WIPF3: variants seen among roughly 807,000 people sequenced by gnomAD.
WIPF3 encodes the protein WAS/WASL interacting protein family member 3, also known as WAS/WASL-interacting protein family member 3.
A neutral mutation model predicts 38.9 loss-of-function variants in WIPF3; 33 were observed. The ratio of observed to expected loss-of-function variants is 0.85; its 90% CI spans 0.64 to 1.14. WIPF3 has a LOEUF of 1.14. WIPF3 is among the 50% of genes most tolerant of loss of function. WIPF3 has a pLI of 0.00. For missense variants in WIPF3, 711 were observed against 652.5 expected, an observed-to-expected ratio of 1.09 and a Z score of -0.98; for synonymous variants, 324 against 269.3, an observed-to-expected ratio of 1.20 and a Z score of -1.99.
rs903135703 is a variant in WIPF3 at position 29,914,760 on chromosome 7, C to T, written c.*244C>T. ...TGCATTGCATCTTGGCATTTGTCAG[C>T]ACAGATAGAGCCCTGTCCCTCCACC... On this transcript the variant is annotated 3_prime_UTR_variant, in exon 9 of 9. Transcript: ENST00000242140. 13 of 321,090 alleles carry T rather than the reference C, an allele frequency of 4.0e-5. No individual in the cohort carries two copies. Among genetic ancestry groups the T allele is most frequent in the African/African-American group, 2.6e-4 (12 of 46,104 alleles). The allele number at this position is 321,090 out of a possible 1,614,324, so 19.9% of individuals were successfully genotyped here.
chr7:29,815,079 T>C (rs537634309), intron 1 of WIPF3, among the ~76,000 whole-genome samples: 1 of 152,312 alleles, frequency 6.6e-6, no homozygotes, highest in South Asian at 2.1e-4. Context: ...GTTTAAACGT[T>C]TCAATGAAAC....
At chr7:29,851,601 CAATTGTCAAGCA>C (rs1394451321) in intron 2 of WIPF3, among the ~76,000 whole-genome samples, 1 of 152,212 alleles carries the variant, frequency 6.6e-6, no homozygotes, top group Admixed American at 6.5e-5. Flanking sequence ...TAGATAAAAG[CAATTGTCAAGCA>C]GTGGACCTGG....
At chr7:29,904,579 C>T in intron 8 of WIPF3, 1 of 526,424 alleles carries the variant, frequency 1.9e-6, no homozygotes, top group Non-Finnish European at 3.4e-6. Flanking sequence ...CCTGGAATCA[C>T]CACTACATAT....
intron 2 of WIPF3, among the ~76,000 whole-genome samples, chr7:29,835,600 C>T (rs978331927): frequency 6.6e-6 from 1 of 152,188 alleles, no homozygotes; most frequent in Admixed American, 6.5e-5. Context: ...CAAAAATCAC[C>T]ACCGCACACA....
At chr7:29,863,800 C>T (rs1442289705) in intron 2 of WIPF3, among the ~76,000 whole-genome samples, 1 of 152,130 alleles carries the variant, frequency 6.6e-6, no homozygotes, top group Non-Finnish European at 1.5e-5. Context: ...TAGATTTATA[C>T]GTAAGTATTT....
chr7:29,827,253 G>A (rs1784630362), intron 1 of WIPF3, among the ~76,000 whole-genome samples: 1 of 151,900 alleles, frequency 6.6e-6, no homozygotes, highest in Non-Finnish European at 1.5e-5. Context: ...AAGAGTGAGA[G>A]CAGCAACTTC....
At position 29,884,015 on chromosome 7, in the gene WIPF3, C is replaced by CGGGGGG; in HGVS notation, c.522_523insGGGGGG (p.Pro174_Pro175insGlyGly). 1 of 1,463,862 alleles carries CGGGGGG rather than the reference C, an allele frequency of 6.8e-7. No individual in the cohort carries two copies. Among genetic ancestry groups the CGGGGGG allele is most frequent in the Non-Finnish European group, 9.1e-7 (1 of 1,100,932 alleles). 90.7% of individuals were successfully genotyped at this position (1,463,862 alleles called of 1,614,324 possible). On this transcript the variant is annotated inframe_insertion, in exon 5 of 9. Transcript: ENST00000242140. ...CCGCCTCGCCCCAACGTGCCTGCCC[C>CGGGGGG]GCCCCCTCCCACCCCACCCCCTCCG...
chr7:29,884,400 C>T lies in WIPF3; in HGVS notation c.906C>T (p.Cys302=). 3.3e-6 allele frequency: 3 copies of T among 906,790 alleles called. No individual in the cohort carries two copies. The highest frequency in any genetic ancestry group is 4.4e-6 in the Non-Finnish European group (3 of 682,842). The allele number at this position is 906,790 out of a possible 1,614,324, so 56.2% of individuals were successfully genotyped here. A position where few individuals can be genotyped will look rare whatever the true frequency, so the allele number is the denominator to read the frequency against. The change falls in exon 5 of 9, where the codon TGC becomes TGT. Residue 302 remains cysteine (C), a synonymous_variant. Transcript: ENST00000242140. ...CCCCGCTCCCCCCTTATGCTTCTTG[C>T]TCCCCGAGGGCTTCTTTGCCCGCGC... ...PPPPLPPYAS[C]SPRASLPAPP...
rs1562785548 is a variant in WIPF3, at chr7:29,884,049, C to G, written c.555C>G (p.Pro185=). ...CCACCCCACCCCCTCCGCCTCCACCCTTACCCCCGCCCCTTCCCTCTTCCT... is the reference window on the plus strand; with the variant it reads ...CCACCCCACCCCCTCCGCCTCCACCGTTACCCCCGCCCCTTCCCTCTTCCT... ...PPPTPPPPPP[P]LPPPLPSSSP... Residue 185 remains proline, a synonymous_variant, in exon 5 of 9, where the codon CCC becomes CCG. Transcript: ENST00000242140. 1 of 1,424,896 alleles carries G rather than the reference C, an allele frequency of 7.0e-7. No individual in the cohort carries two copies. The allele number at this position is 1,424,896 out of a possible 1,614,324, so 88.3% of individuals were successfully genotyped here. A position where few individuals can be genotyped will look rare whatever the true frequency, so the allele number is the denominator to read the frequency against.
At chr7:29,901,527 A>T (rs762455401) in intron 7 of WIPF3, among the ~76,000 whole-genome samples, 11 of 151,570 alleles carry the variant, frequency 7.3e-5, no homozygotes, top group Non-Finnish European at 1.6e-4. Flanking sequence ...GCGATGGCTC[A>T]TGTCTATAAT....
intron 2 of WIPF3, among the ~76,000 whole-genome samples, chr7:29,840,941 C>A (rs560549097): frequency 1.3e-5 from 2 of 152,140 alleles, no homozygotes; most frequent in African/African-American, 2.4e-5. Context: ...GGCACCTGAT[C>A]GGATATCAAG....
chr7:29,825,407 A>C (rs1406141502), intron 1 of WIPF3, among the ~76,000 whole-genome samples: 1 of 152,242 alleles, frequency 6.6e-6, no homozygotes, highest in African/African-American at 2.4e-5. Flanking sequence ...ATTTTCCAAA[A>C]CTTAGAGATA....
At chr7:29,819,217 T>C (rs1784500880) in intron 1 of WIPF3, among the ~76,000 whole-genome samples, 1 of 152,096 alleles carries the variant, frequency 6.6e-6, no homozygotes, top group Non-Finnish European at 1.5e-5. Flanking sequence ...TCTTTAGATG[T>C]TCTCTCTTGT....
chr7:29,865,841 A>C (rs1785376992), intron 2 of WIPF3, among the ~76,000 whole-genome samples: 1 of 152,180 alleles, frequency 6.6e-6, no homozygotes, highest in South Asian at 2.1e-4. Context: ...TTTCATGCAA[A>C]GGTCCTAGAA....
intron 2 of WIPF3, among the ~76,000 whole-genome samples, chr7:29,843,805 A>G (rs972124226): frequency 1.2e-4 from 18 of 149,682 alleles, no homozygotes; most frequent in African/African-American, 4.0e-4. Context: ...CATAAAAGGG[A>G]AAAAAAAACT....
At chr7:29,894,915 T>G (rs959531995) in intron 7 of WIPF3, among the ~76,000 whole-genome samples, 16 of 106,504 alleles carry the variant, frequency 1.5e-4, no homozygotes, top group African/African-American at 4.4e-4. Flanking sequence ...TTGTGTGTGT[T>G]GTTGTTTTTT....
intron 6 of WIPF3, among the ~76,000 whole-genome samples, chr7:29,888,500 CGTGT>C (rs756243450): frequency 1.0e-4 from 14 of 138,684 alleles, no homozygotes; most frequent in African/African-American, 1.6e-4. Flanking sequence ...TGTGCGTGTG[CGTGT>C]GTGTGCGTGT....
At chr7:29,812,801 G>C (rs1174858468) in intron 1 of WIPF3, among the ~76,000 whole-genome samples, 1 of 152,164 alleles carries the variant, frequency 6.6e-6, no homozygotes, top group East Asian at 1.9e-4. Context: ...TCCATTATTA[G>C]CCATGTGTCT....
chr7:29,845,897 C>G (rs1784992229), intron 2 of WIPF3, among the ~76,000 whole-genome samples: 1 of 152,234 alleles, frequency 6.6e-6, no homozygotes, highest in East Asian at 1.9e-4. Flanking sequence ...CCACTATGAG[C>G]TAACCAACCA....
Sources: gnomAD v4.1 joint callset for allele counts (sites outside exome capture counted in the v4.1 genomes callset) on GRCh38, gnomAD v4.1.1 for gene constraint, MANE v1.5 for transcripts, NCBI Gene and HGNC (gene_info 2026-07-23, HGNC 2026-07-21) for gene names.